The following KIAA1217 variants were observed in gnomAD, a reference collection of about 807,000 sequenced individuals.
The protein encoded by KIAA1217 is KIAA1217.
In KIAA1217, 88 loss-of-function variants were observed where a neutral mutation model predicts 163.9. The observed-to-expected ratio is 0.54, with a 90% CI of 0.45 to 0.64. The LOEUF (loss-of-function observed/expected upper bound fraction) is 0.64, where lower values mean the gene tolerates loss of function less well. Ranked by LOEUF, KIAA1217 falls within the 30% of genes least tolerant of loss-of-function variation. KIAA1217 has a pLI of 0.00. For synonymous variants in KIAA1217, 903 were observed against 923.1 expected (o/e 0.98, Z 0.39); for missense variants, 2,372 against 2,475.0 (o/e 0.96, Z 0.88).
In KIAA1217 at chr10:24,171,668, G is replaced by C. The variant is rs562520398; in HGVS notation, c.-170-47958G>C. Among the ~76,000 whole-genome samples the C allele has an allele frequency of 4.8e-4, 73 of 152,170 alleles. No homozygotes were observed. The South Asian group carries it at 0.015, about 30-fold the overall frequency. Reference sequence around the variant, plus strand: ...AAAAACACAAAATTAGCCGGGTGTGGTGGTGCATACCAGGAGGATGAGGCA... The same window carrying C: ...AAAAACACAAAATTAGCCGGGTGTGCTGGTGCATACCAGGAGGATGAGGCA... On this transcript the variant is annotated intron_variant, in intron 2 of 18. Transcript: ENST00000376462.
Position 24,097,573 on chromosome 10 carries a change from C to A in KIAA1217, c.-171+90199C>A, listed in dbSNP as rs542264249. On this transcript the variant is annotated intron_variant, in intron 2 of 18. Transcript: ENST00000376462. The stretch of plus-strand genomic sequence containing the variant: ...AGAAAAAGAGAGAGAGAGAGGAAGG[C>A]GAAAAGAAAAGAAAAGAAGAGTCTG... 3.6e-4 allele frequency among the ~76,000 whole-genome samples: 54 copies of A among 150,638 alleles called. 1 individual carries two copies. The South Asian group carries it at 0.011, about 32-fold the overall frequency.
chr10:24,283,311 A>G (rs1191091165), intron 2 of KIAA1217, among the ~76,000 whole-genome samples: 1 of 152,174 alleles, frequency 6.6e-6, no homozygotes, highest in African/African-American at 2.4e-5. Context: ...CCACTTGGCA[A>G]TATGCATTTA....
intron 2 of KIAA1217, among the ~76,000 whole-genome samples, chr10:24,153,400 T>C (rs2064716621): frequency 1.3e-5 from 2 of 152,248 alleles, no homozygotes; most frequent in Non-Finnish European, 2.9e-5. Context: ...TGTTCTGTGG[T>C]TACATGGTAC....
chr10:23,863,548 T>C (rs1463378382), intron 1 of KIAA1217, among the ~76,000 whole-genome samples: 3 of 152,166 alleles, frequency 2.0e-5, no homozygotes, highest in Admixed American at 6.5e-5. Context: ...TCTTCCTCCA[T>C]GTGAGGAGGC....
intron 16 of KIAA1217, among the ~76,000 whole-genome samples, 176 bp downstream of exon 16, chr10:24,533,413 C>T (rs1428506450): frequency 3.3e-5 from 5 of 152,242 alleles, no homozygotes; most frequent in Non-Finnish European, 7.3e-5. Flanking sequence ...ACAAGGCTCT[C>T]AGGATGCCTA....
chr10:23,716,084 G>A (rs903609730), intron 1 of KIAA1217, among the ~76,000 whole-genome samples: 12 of 152,078 alleles, frequency 7.9e-5, no homozygotes, highest in Admixed American at 4.6e-4. Flanking sequence ...TTACGGAAGC[G>A]TTCTGACTAA....
chr10:24,339,338 T>A (rs938436853), intron 2 of KIAA1217, among the ~76,000 whole-genome samples: 1 of 152,230 alleles, frequency 6.6e-6, no homozygotes, highest in Non-Finnish European at 1.5e-5. Flanking sequence ...TTCAAATAGA[T>A]CTTCATTAAT....
chr10:24,066,431 G>C lies in KIAA1217; in HGVS notation c.-171+59057G>C, dbSNP rs542326509. On this transcript the variant is annotated intron_variant, in intron 2 of 18. Coordinates refer to the KIAA1217 transcript ENST00000376462. ...TAGTTTGGCTGGATATGAAATTCTG[G>C]GTTGAAAATTCTTTTCTTTAATAAT... Among the ~76,000 whole-genome samples, 3 of 152,240 alleles carry C rather than the reference G, an allele frequency of 2.0e-5. No homozygotes were observed. In the East Asian group the frequency reaches 5.8e-4, roughly 29 times the overall value.
intron 2 of KIAA1217, among the ~76,000 whole-genome samples, chr10:24,108,383 T>C (rs1279628088): frequency 2.6e-5 from 4 of 152,206 alleles, no homozygotes; most frequent in Non-Finnish European, 5.9e-5. Flanking sequence ...TGAGGTTGTA[T>C]AGTAAATAAG....
At chr10:23,929,898 C>T (rs544257354) in intron 1 of KIAA1217, among the ~76,000 whole-genome samples, 1 of 152,256 alleles carries the variant, frequency 6.6e-6, no homozygotes, top group African/African-American at 2.4e-5. Flanking sequence ...TCCACAACGG[C>T]TGAACTAATT....
intron 17 of KIAA1217, among the ~76,000 whole-genome samples, chr10:24,537,344 G>A (rs570666560): frequency 1.1e-4 from 16 of 152,268 alleles, no homozygotes; most frequent in African/African-American, 3.1e-4. Flanking sequence ...GGGAGGCCGA[G>A]GCAGGTGGAT....
chr10:24,492,190 G>C (rs779196993), intron 6 of KIAA1217, among the ~76,000 whole-genome samples: 15 of 152,172 alleles, frequency 9.9e-5, no homozygotes, highest in Non-Finnish European at 2.2e-4. Context: ...GTGGCAGGAA[G>C]AGTGACCAAC....
intron 2 of KIAA1217, among the ~76,000 whole-genome samples, chr10:24,225,058 A>T (rs1034838234): frequency 2.0e-5 from 3 of 151,850 alleles, no homozygotes; most frequent in Admixed American, 6.6e-5. Context: ...ATCTCCTGAC[A>T]TTGTGATCTG....
At position 24,536,862 on chromosome 10, in the gene KIAA1217, C is replaced by T. The variant is rs778661647; in HGVS notation, c.3503C>T (p.Ser1168Leu). 5 of 1,613,916 alleles carry T rather than the reference C, an allele frequency of 3.1e-6. No individual in the cohort carries two copies. Among genetic ancestry groups the T allele is most frequent in the Admixed American group, 1.7e-5 (1 of 59,990 alleles). The stretch of plus-strand genomic sequence containing the variant: ...GACAGTCACGTTAAAGACACTAGGT[C>T]GGGCGCCACAGTGCCACCCAAGGAG... ...RADSHVKDTR[S>L]GATVPPKEKK... The change falls in exon 17 of 21, where the codon TCG becomes TTG. Residue 1168 changes from serine to leucine, a missense_variant. This residue lies in a region of KIAA1217 where 251 missense variants were observed against 327.3 expected (regional missense o/e 0.77). Transcript: ENST00000376454.
At chr10:24,266,023 G>T (rs138425052) in intron 2 of KIAA1217, among the ~76,000 whole-genome samples, 41 of 151,380 alleles carry the variant, frequency 2.7e-4, no homozygotes, top group Admixed American at 1.7e-3. Flanking sequence ...GTTTTATACA[G>T]AACACTGGAG....
intron 1 of KIAA1217, among the ~76,000 whole-genome samples, chr10:23,733,045 A>G (rs1379080226): frequency 3.3e-5 from 5 of 151,002 alleles, no homozygotes; most frequent in Non-Finnish European, 4.4e-5. Flanking sequence ...CCCTAGTCTC[A>G]CTCTGTTGCC....
chr10:24,545,519 C>CCCCCA, intron 20 of KIAA1217: 11 of 1,305,494 alleles, frequency 8.4e-6, no homozygotes, highest in Non-Finnish European at 1.1e-5. Flanking sequence ...CAATGCCCGA[C>CCCCCA]CCCCACCCCA....
intron 2 of KIAA1217, among the ~76,000 whole-genome samples, chr10:24,060,110 T>A (rs1023232277): frequency 6.6e-6 from 1 of 152,162 alleles, no homozygotes; most frequent in Non-Finnish European, 1.5e-5. Flanking sequence ...TGTGTCAATT[T>A]TGTCTTTTGC....
At chr10:23,858,881 T>C (rs1449199826) in intron 1 of KIAA1217, among the ~76,000 whole-genome samples, 2 of 152,216 alleles carry the variant, frequency 1.3e-5, no homozygotes, top group East Asian at 3.9e-4. Flanking sequence ...TCTTCCAGTC[T>C]ACTGTACAAT....
Sources: gnomAD v4.1 joint callset for allele counts (sites outside exome capture counted in the v4.1 genomes callset) on GRCh38, gnomAD v4.1.1 for gene constraint, gnomAD v4.1.1 regional missense constraint, MANE v1.5 for transcripts, NCBI Gene and HGNC (gene_info 2026-07-23, HGNC 2026-07-21) for gene names.